Variants in BPHL observed in about 807,000 individuals in gnomAD.
BPHL encodes biphenyl hydrolase like.
Under a neutral mutation model 31.2 loss-of-function variants are expected in BPHL, and 27 were observed. The observed-to-expected ratio is 0.87, with a 90% CI of 0.64 to 1.19. The LOEUF (loss-of-function observed/expected upper bound fraction) is 1.19. Among genes scored for constraint, BPHL ranks in the 50% most tolerant of loss-of-function variants. The probability of loss-of-function intolerance (pLI) is 0.00; values close to 1 mark genes in which losing one functional copy is unlikely to be tolerated. For synonymous variants in BPHL, 150 were observed against 146.8 expected, an observed-to-expected ratio of 1.02 and a Z score of -0.16; for missense variants, 356 against 375.7, an observed-to-expected ratio of 0.95 and a Z score of 0.43.
intron 6 of BPHL, among the ~76,000 whole-genome samples, chr6:3,147,705 T>C (rs1050866049): frequency 6.6e-6 from 1 of 152,166 alleles, no homozygotes. Context: ...TCATGGAGTA[T>C]GGAAGCTGAC....
intron 4 of BPHL, among the ~76,000 whole-genome samples, chr6:3,136,956 T>C (rs1263076187): frequency 6.6e-6 from 1 of 152,228 alleles, no homozygotes; most frequent in African/African-American, 2.4e-5. Context: ...TTTGCAAACA[T>C]TGTCGCTCTT....
At chr6:3,146,480 T>A (rs1762368931) in intron 6 of BPHL, among the ~76,000 whole-genome samples, 1 of 138,774 alleles carries the variant, frequency 7.2e-6, no homozygotes, top group Non-Finnish European at 1.5e-5. Flanking sequence ...GAGTGCTGGT[T>A]CCAGCTGGAG....
intron 1 of BPHL, among the ~76,000 whole-genome samples, 152 bp downstream of exon 1, chr6:3,118,999 C>G (rs1261617271): frequency 1.3e-5 from 2 of 152,134 alleles, no homozygotes; most frequent in Non-Finnish European, 2.9e-5. Context: ...GCCGCGAGAC[C>G]CCGATCCTGG....
intron 2 of BPHL, 70 bp downstream of exon 2, chr6:3,123,830 C>A: frequency 8.4e-7 from 1 of 1,183,458 alleles, no homozygotes; most frequent in African/African-American, 1.5e-5. Context: ...ATACTAGATG[C>A]CAAATACTGA....
chr6:3,128,400 A>C (rs1287185847), intron 3 of BPHL, among the ~76,000 whole-genome samples: 1 of 152,196 alleles, frequency 6.6e-6, no homozygotes, highest in African/African-American at 2.4e-5. Context: ...CCGGGCAGCA[A>C]ATATCTTGGA....
At chr6:3,147,838 A>T (rs1187101225) in intron 6 of BPHL, among the ~76,000 whole-genome samples, 2 of 152,192 alleles carry the variant, frequency 1.3e-5, no homozygotes, top group African/African-American at 4.8e-5. Context: ...CTAGTGTGAA[A>T]GCCAGGAGGC....
Position 3,125,186 on chromosome 6 carries a change from C to G in BPHL, c.211+1426C>G, listed in dbSNP as rs781682218. ...TCAGCCTCCTGAGTAGCTGGGATTA[C>G]AGGTGTGCACCACCATGCCTGGCTA... On this transcript the variant is annotated intron_variant, in intron 2 of 6. Coordinates refer to ENST00000380379, the MANE Select transcript of BPHL (RefSeq NM_004332.4). Among the ~76,000 whole-genome samples the G allele has an allele frequency of 8.5e-5, 13 of 152,100 alleles. No individual in the cohort carries two copies. The East Asian group carries it at 9.7e-4, about 11-fold the overall frequency.
In BPHL at chr6:3,127,364, G is replaced by C; in HGVS notation, c.334G>C (p.Asp112His). 1 of 1,608,452 alleles carries C rather than the reference G, an allele frequency of 6.2e-7. No homozygotes were observed. The highest frequency in any genetic ancestry group is 8.5e-7 in the Non-Finnish European group (1 of 1,176,394). ...GCCCCCAGATCGCGATTTCCCAGCA[G>C]ACTTTTTTGAAAGGGATGCAAAAGA... The part of the protein sequence containing the change: ...SRPPDRDFPA[D>H]FFERDAKDAV... Residue 112 changes from aspartate to histidine, a missense_variant, in exon 3 of 7, where the codon GAC becomes CAC. Coordinates refer to ENST00000380379, the MANE Select transcript of BPHL (RefSeq NM_004332.4).
At chr6:3,151,740 G>T (rs1217659423) in intron 6 of BPHL, among the ~76,000 whole-genome samples, 1 of 152,198 alleles carries the variant, frequency 6.6e-6, no homozygotes, top group African/African-American at 2.4e-5. Flanking sequence ...GTCAAATGTA[G>T]AACAAAGAGA....
At chr6:3,118,889 G>A (rs1248512033) in intron 1 of BPHL, 42 bp downstream of exon 1, 4 of 1,224,842 alleles carry the variant, frequency 3.3e-6, no homozygotes. Flanking sequence ...CAGCATCGGC[G>A]CGCTCGAGGG....
In BPHL at chr6:3,127,300, G is replaced by A. The variant is rs1215416621; in HGVS notation, c.270G>A (p.Thr90=). 3 of 1,606,692 alleles carry A rather than the reference G, an allele frequency of 1.9e-6. No individual in the cohort carries two copies. Among genetic ancestry groups the A allele is most frequent in the Middle Eastern group, 1.7e-4 (1 of 5,748 alleles). ...QLKNLNKKLF[T]VVAWDPRGYG... ...AGAACCTCAATAAGAAGCTCTTCAC[G>A]GTGGTCGCCTGGGATCCTCGAGGCT... The change falls in exon 3 of 7, where the codon ACG becomes ACA. Residue 90 remains threonine (T), a synonymous_variant. Coordinates refer to ENST00000380379, the MANE Select transcript of BPHL (RefSeq NM_004332.4).
chr6:3,151,464 C>A (rs1268615433), intron 6 of BPHL, among the ~76,000 whole-genome samples: 1 of 152,146 alleles, frequency 6.6e-6, no homozygotes, highest in Non-Finnish European at 1.5e-5. Context: ...ATTCCCACCC[C>A]CAATGTGGTG....
rs67332286 is a variant in BPHL at position 3,121,291 on chromosome 6, C to CTTTTT, written c.108-2343_108-2339dup. Among the ~76,000 whole-genome samples, 20 of 80,382 alleles carry CTTTTT rather than the reference C, an allele frequency of 2.5e-4. 1 individual carries two copies. Among genetic ancestry groups the CTTTTT allele is most frequent in the East Asian group, 4.5e-4 (1 of 2,244 alleles). The allele number at this position is 80,382 out of a possible 152,430, so 52.7% of individuals were successfully genotyped here. Reference sequence around the variant, plus strand: ...ACATACAATATGATAATAGCAGTTTCTTTTTTTTTTTTTTTTTTTTTTTTT... The same window carrying CTTTTT: ...ACATACAATATGATAATAGCAGTTTCTTTTTTTTTTTTTTTTTTTTTTTTTTTTTT... On this transcript the variant is annotated intron_variant, in intron 1 of 6. Coordinates refer to ENST00000380379, the MANE Select transcript of BPHL (RefSeq NM_004332.4).
intron 1 of BPHL, 80 bp from the exon 2 acceptor site, chr6:3,123,577 T>C (rs1761631648): frequency 8.1e-7 from 1 of 1,238,924 alleles, no homozygotes; most frequent in East Asian, 2.4e-5. Context: ...ATTCCTCCTG[T>C]CTAGCTGGAA....
intron 1 of BPHL, chr6:3,119,223 G>A (rs1455784403): frequency 2.1e-6 from 3 of 1,440,594 alleles, no homozygotes; most frequent in East Asian, 5.0e-5. Flanking sequence ...TTAGTCCATT[G>A]CTCTGTCCAG....
chr6:3,135,686 G>C (rs1359825618), intron 4 of BPHL, among the ~76,000 whole-genome samples: 1 of 151,060 alleles, frequency 6.6e-6, no homozygotes, highest in East Asian at 1.9e-4. Flanking sequence ...GTCTCTCTGC[G>C]TGGTGTTCTG....
chr6:3,152,432 GGTTT>G, intron 6 of BPHL, 52 bp from the exon 7 acceptor site: 1 of 1,424,902 alleles, frequency 7.0e-7, no homozygotes, highest in Non-Finnish European at 9.8e-7. Flanking sequence ...GAGAGTGAGG[GGTTT>G]GTTCTTAAGT....
chr6:3,151,762 G>A (rs3799224), intron 6 of BPHL, among the ~76,000 whole-genome samples: 12,856 of 152,214 alleles, frequency 0.084, 793 homozygotes, highest in African/African-American at 0.17. Flanking sequence ...GGCTGCATTT[G>A]TTCAGGAAAC....
At chr6:3,139,316 G>A (rs1762103031) in intron 5 of BPHL, 1 of 152,208 alleles carries the variant, frequency 6.6e-6, no homozygotes, top group African/African-American at 2.4e-5. Flanking sequence ...TGTAACTACT[G>A]TGTTTAACAG....
Sources: allele counts gnomAD v4.1 joint callset (sites outside exome capture counted in the v4.1 genomes callset), GRCh38; gene constraint gnomAD v4.1.1; transcripts MANE v1.5; gene names NCBI Gene and HGNC (gene_info 2026-07-23, HGNC 2026-07-21).